The following TAFA2 variants were observed in gnomAD, a reference collection of about 807,000 sequenced individuals.
TAFA2 encodes the protein TAFA chemokine like family member 2.
A neutral mutation model predicts 18.8 loss-of-function variants in TAFA2; 7 were observed. The observed-to-expected ratio is 0.37, with a 90% CI of 0.21 to 0.70. The LOEUF (loss-of-function observed/expected upper bound fraction) is 0.70, where lower values mean the gene tolerates loss of function less well. Among genes scored for constraint, TAFA2 ranks in the 30% least tolerant of loss-of-function variants. The pLI is 0.53. For missense variants in TAFA2, 122 were observed against 158.1 expected, an observed-to-expected ratio of 0.77 and a Z score of 1.23; for synonymous variants, 60 against 54.2, an observed-to-expected ratio of 1.11 and a Z score of -0.47.
intron 1 of TAFA2, chr12:62,021,514 A>G (rs1389752805): frequency 6.1e-6 from 4 of 652,038 alleles, no homozygotes; most frequent in Non-Finnish European, 1.1e-5. Context: ...TTTATTAAAG[A>G]TCTTTACAGA....
intron 2 of TAFA2, among the ~76,000 whole-genome samples, chr12:61,811,920 T>C (rs1592405244): frequency 6.6e-6 from 1 of 151,630 alleles, no homozygotes; most frequent in South Asian, 2.1e-4. Context: ...AGCAGAGTTA[T>C]ACACTAGGTA....
intron 1 of TAFA2, chr12:62,140,505 C>T (rs2062232414): frequency 6.6e-6 from 1 of 152,174 alleles, no homozygotes; most frequent in Admixed American, 6.6e-5. Flanking sequence ...TTCAGAGCTC[C>T]CTGACAGTGA....
chr12:62,180,411 A>T (rs1337882255), intron 1 of TAFA2, among the ~76,000 whole-genome samples: 1 of 152,216 alleles, frequency 6.6e-6, no homozygotes, highest in Non-Finnish European at 1.5e-5. Context: ...TTATACTTCA[A>T]AGACTAAAGA....
At chr12:61,907,750 G>A (rs1876423117) in intron 1 of TAFA2, among the ~76,000 whole-genome samples, 4 of 152,038 alleles carry the variant, frequency 2.6e-5, no homozygotes, top group African/African-American at 4.8e-5. Context: ...GCAGGCAGGA[G>A]CGGGGGATGT....
intron 2 of TAFA2, among the ~76,000 whole-genome samples, chr12:61,830,770 A>G (rs1404325143): frequency 2.0e-5 from 3 of 152,098 alleles, no homozygotes; most frequent in South Asian, 4.1e-4. Context: ...GAAATTTAAT[A>G]TTAACTAAAA....
At chr12:61,874,845 A>G (rs1874773568) in intron 1 of TAFA2, among the ~76,000 whole-genome samples, 1 of 152,106 alleles carries the variant, frequency 6.6e-6, no homozygotes, top group Admixed American at 6.6e-5. Context: ...CTATTATTAC[A>G]AGTGAATCAC....
At chr12:61,908,171 G>T (rs1467121986) in intron 1 of TAFA2, among the ~76,000 whole-genome samples, 1 of 152,112 alleles carries the variant, frequency 6.6e-6, no homozygotes, top group African/African-American at 2.4e-5. Flanking sequence ...TTTGGAAGGG[G>T]CCAGGGTGAA....
At chr12:62,147,213 C>T (rs2062287464) in intron 1 of TAFA2, among the ~76,000 whole-genome samples, 2 of 146,084 alleles carry the variant, frequency 1.4e-5, no homozygotes, top group Non-Finnish European at 3.0e-5. Context: ...TATAAAAGTT[C>T]CAGAAGAAAA....
At chr12:61,792,038 AAAAT>A (rs1871002727) in intron 2 of TAFA2, among the ~76,000 whole-genome samples, 1 of 151,770 alleles carries the variant, frequency 6.6e-6, no homozygotes, top group African/African-American at 2.4e-5. Context: ...TTGGCCAGAA[AAAAT>A]AATTTGTTTT....
At chr12:61,826,200 T>G (rs1203954667) in intron 2 of TAFA2, among the ~76,000 whole-genome samples, 3 of 152,076 alleles carry the variant, frequency 2.0e-5, no homozygotes, top group Admixed American at 2.0e-4. Flanking sequence ...TTTAGAAAAT[T>G]TTCTTGTTTT....
intron 4 of TAFA2, among the ~76,000 whole-genome samples, chr12:61,736,205 A>C (rs2120677398): frequency 6.6e-6 from 1 of 152,124 alleles, no homozygotes; most frequent in Non-Finnish European, 1.5e-5. Context: ...CCATGGGTTA[A>C]GTGATTTCCA....
chr12:61,795,241 A>T (rs904118723), intron 2 of TAFA2, among the ~76,000 whole-genome samples: 2 of 152,190 alleles, frequency 1.3e-5, no homozygotes, highest in African/African-American at 4.8e-5. Flanking sequence ...TATATACCCA[A>T]AGGATTATAA....
intron 4 of TAFA2, among the ~76,000 whole-genome samples, chr12:61,745,984 T>C (rs1249658871): frequency 6.6e-6 from 1 of 151,912 alleles, no homozygotes; most frequent in African/African-American, 2.4e-5. Context: ...GGAAATATGA[T>C]TAGAATGACA....
At chr12:61,939,958 A>G (rs565091904) in intron 1 of TAFA2, among the ~76,000 whole-genome samples, 3 of 152,322 alleles carry the variant, frequency 2.0e-5, no homozygotes, top group Non-Finnish European at 2.9e-5. Flanking sequence ...TAGATTTAAC[A>G]GTGTTGTCTT....
chr12:62,142,603 G>T (rs1565758449), intron 1 of TAFA2, among the ~76,000 whole-genome samples: 1 of 152,168 alleles, frequency 6.6e-6, no homozygotes, highest in African/African-American at 2.4e-5. Flanking sequence ...ACACTTAGAG[G>T]AGAGAGTAGG....
At chr12:61,730,661 C>T (rs1269315053) in intron 4 of TAFA2, among the ~76,000 whole-genome samples, 2 of 152,068 alleles carry the variant, frequency 1.3e-5, no homozygotes, top group Non-Finnish European at 2.9e-5. Flanking sequence ...GCTGCCTCTG[C>T]TGCTTCATAC....
At chr12:61,927,961 C>G (rs949726106) in intron 1 of TAFA2, among the ~76,000 whole-genome samples, 1 of 152,136 alleles carries the variant, frequency 6.6e-6, no homozygotes, top group African/African-American at 2.4e-5. Context: ...TAGCCATATG[C>G]AGAAAACTAA....
intron 1 of TAFA2, among the ~76,000 whole-genome samples, chr12:61,913,305 A>T (rs7966990): frequency 0.37 from 56,952 of 152,042 alleles, 11,260 homozygotes; most frequent in African/African-American, 0.49. Context: ...CCTTCCTATA[A>T]GACTCAAGGA....
At chr12:62,086,085 C>T (rs143980867) in intron 1 of TAFA2, among the ~76,000 whole-genome samples, 21 of 152,046 alleles carry the variant, frequency 1.4e-4, no homozygotes, top group African/African-American at 4.1e-4. Flanking sequence ...GAACCATGAG[C>T]GAATTGAAAC....
Sources: gnomAD v4.1 joint callset for allele counts (sites outside exome capture counted in the v4.1 genomes callset) on GRCh38, gnomAD v4.1.1 for gene constraint, MANE v1.5 for transcripts, NCBI Gene and HGNC (gene_info 2026-07-23, HGNC 2026-07-21) for gene names.